Variants in ARHGAP22 observed in about 807,000 individuals in gnomAD.
ARHGAP22 encodes Rho GTPase activating protein 22, also known as rho GTPase-activating protein 22.
Under a neutral mutation model 59.1 loss-of-function variants are expected in ARHGAP22, and 48 were observed. The ratio of observed to expected loss-of-function variants is 0.81; its 90% confidence interval spans 0.64 to 1.03. ARHGAP22 has a LOEUF of 1.03. ARHGAP22 is among the 50% of genes least tolerant of loss of function. The probability of loss-of-function intolerance (pLI) is 0.00; values close to 1 mark genes in which losing one functional copy is unlikely to be tolerated. For missense variants in ARHGAP22, 1,015 were observed against 958.7 expected (o/e 1.06, Z -0.78); for synonymous variants, 445 against 416.4 (o/e 1.07, Z -0.84).
chr10:48,522,695 A>G (rs1207073831), intron 3 of ARHGAP22, among the ~76,000 whole-genome samples: 1 of 152,206 alleles, frequency 6.6e-6, no homozygotes, highest in Non-Finnish European at 1.5e-5. Flanking sequence ...TGAAGACACC[A>G]CACACAGGGC....
chr10:48,452,011 C>T (rs1258363215), intron 8 of ARHGAP22, among the ~76,000 whole-genome samples: 2 of 152,052 alleles, frequency 1.3e-5, no homozygotes, highest in African/African-American at 4.8e-5. Flanking sequence ...CCAAATTCCC[C>T]CATACACAAC....
chr10:48,544,146 G>A (rs2056220334), intron 3 of ARHGAP22, among the ~76,000 whole-genome samples: 1 of 152,100 alleles, frequency 6.6e-6, no homozygotes, highest in African/African-American at 2.4e-5. Flanking sequence ...AAAGGACTGG[G>A]TGGGGTCAGG....
chr10:48,560,455 A>G (rs1214718101), intron 2 of ARHGAP22, among the ~76,000 whole-genome samples: 1 of 152,174 alleles, frequency 6.6e-6, no homozygotes, highest in African/African-American at 2.4e-5. Context: ...GTATGGATAC[A>G]GTTTTACTTC....
intron 1 of ARHGAP22, among the ~76,000 whole-genome samples, chr10:48,642,373 CT>C (rs2062086704): frequency 6.6e-6 from 1 of 152,212 alleles, no homozygotes; most frequent in African/African-American, 2.4e-5. Context: ...CAGCATGGTA[CT>C]GGTACCGAAA....
chr10:48,617,144 G>A (rs190389551), intron 1 of ARHGAP22, among the ~76,000 whole-genome samples: 8 of 152,064 alleles, frequency 5.3e-5, no homozygotes, highest in African/African-American at 1.2e-4. Context: ...AAACTAGAGT[G>A]TCCTAAATTA....
At chr10:48,622,232 C>T (rs547312832) in intron 1 of ARHGAP22, among the ~76,000 whole-genome samples, 3 of 152,140 alleles carry the variant, frequency 2.0e-5, no homozygotes, top group African/African-American at 7.2e-5. Flanking sequence ...CAACTACTGC[C>T]TTCTGTTGTG....
At chr10:48,598,215 GGAA>G (rs1272180943) in intron 1 of ARHGAP22, among the ~76,000 whole-genome samples, 3 of 152,210 alleles carry the variant, frequency 2.0e-5, no homozygotes, top group Non-Finnish European at 4.4e-5. Flanking sequence ...GAGTTATCTG[GGAA>G]GAAGGAGAAC....
At chr10:48,595,712 G>T (rs2060027443) in intron 1 of ARHGAP22, among the ~76,000 whole-genome samples, 1 of 152,004 alleles carries the variant, frequency 6.6e-6, no homozygotes, top group Non-Finnish European at 1.5e-5. Flanking sequence ...TAAAGATGGG[G>T]TCTTGCTATG....
At chr10:48,538,619 A>C (rs2055602226) in intron 3 of ARHGAP22, among the ~76,000 whole-genome samples, 1 of 152,238 alleles carries the variant, frequency 6.6e-6, no homozygotes, top group Non-Finnish European at 1.5e-5. Flanking sequence ...CTGAACTATT[A>C]GTATTTTTGT....
upstream of ARHGAP22, among the ~76,000 whole-genome samples, chr10:48,609,758 C>T (rs2060809526): frequency 1.3e-5 from 2 of 152,150 alleles, no homozygotes; most frequent in South Asian, 2.1e-4. Context: ...TCTTCCATGC[C>T]CAAGGCCACG....
chr10:48,502,396 C>T lies in ARHGAP22; in HGVS notation c.323-22632G>A, dbSNP rs540583098. On this transcript the variant is annotated intron_variant, in intron 3 of 9. Transcript: ENST00000249601. ...CAAGGGGTGGTCTCTGCAGTGCAGT[C>T]AGAACTTTCCCTTCTCCATTGAGAA... is the stretch of plus-strand genomic sequence containing the variant. Among the ~76,000 whole-genome samples, 53 of 152,326 alleles carry T rather than the reference C, an allele frequency of 3.5e-4. 1 individual carries two copies. In the South Asian group the frequency reaches 6.8e-3, roughly 20 times the overall value.
intron 2 of ARHGAP22, among the ~76,000 whole-genome samples, chr10:48,578,141 A>T (rs2058871811): frequency 6.6e-6 from 1 of 151,798 alleles, no homozygotes; most frequent in Non-Finnish European, 1.5e-5. Flanking sequence ...ACCTTCACCC[A>T]GTGCTCCTGT....
At chr10:48,453,700 G>A (rs925031379) in intron 7 of ARHGAP22, among the ~76,000 whole-genome samples, 2 of 152,206 alleles carry the variant, frequency 1.3e-5, no homozygotes, top group Non-Finnish European at 2.9e-5. Flanking sequence ...CACAAATTCT[G>A]GGAAGTCCCA....
chr10:48,496,152 G>T (rs1231546347), intron 3 of ARHGAP22, among the ~76,000 whole-genome samples: 1 of 152,072 alleles, frequency 6.6e-6, no homozygotes, highest in Non-Finnish European at 1.5e-5. Flanking sequence ...AGGCTTGGGG[G>T]GTAATCTATG....
In ARHGAP22 at chr10:48,615,170, C is replaced by T. The variant is rs1173492067; in HGVS notation, c.53-32018G>A. Among the ~76,000 whole-genome samples the T allele has an allele frequency of 2.0e-5, 3 of 152,200 alleles. No homozygotes were observed. The South Asian group carries it at 6.2e-4, about 32-fold the overall frequency. The stretch of plus-strand genomic sequence containing the variant: ...ACCCAAAAAGACCTGAAACTCTAAC[C>T]TAAGGCCAACCTCTAGACTCTGCTC... On this transcript the variant is annotated intron_variant, in intron 1 of 9. Coordinates refer to the ARHGAP22 transcript ENST00000435790.
chr10:48,601,099 A>T (rs1388310236), intron 1 of ARHGAP22, among the ~76,000 whole-genome samples: 1 of 151,958 alleles, frequency 6.6e-6, no homozygotes, highest in Non-Finnish European at 1.5e-5. Flanking sequence ...TAGCTGCTTC[A>T]CTCTCAGAGC....
rs564403058 is a variant in ARHGAP22, at chr10:48,541,319, T to A, written c.322+14144A>T. 3.9e-5 allele frequency among the ~76,000 whole-genome samples: 6 copies of A among 152,340 alleles called. No individual in the cohort carries two copies. In the East Asian group the frequency reaches 1.2e-3, roughly 29 times the overall value. Reference sequence around the variant, plus strand: ...AGGGATTTAGTCTAGCTGAGATCACTCATAAAGAATTTTATCTACATCTTT... The same window carrying A: ...AGGGATTTAGTCTAGCTGAGATCACACATAAAGAATTTTATCTACATCTTT... On this transcript the variant is annotated intron_variant, in intron 3 of 9. Transcript: ENST00000249601.
At chr10:48,439,322 TTAAA>T in the ARHGAP22 span, 2 of 150,060 alleles carry the variant, frequency 1.3e-5, no homozygotes, top group Non-Finnish European at 3.0e-5. Flanking sequence ...TTATAATATT[TTAAA>T]TAAAAAAGAA....
At chr10:48,578,799 A>G (rs1265381729) in intron 2 of ARHGAP22, among the ~76,000 whole-genome samples, 5 of 151,978 alleles carry the variant, frequency 3.3e-5, no homozygotes, top group Non-Finnish European at 7.4e-5. Context: ...TAGGTTATCT[A>G]TATTAGGAAT....
Sources: allele counts gnomAD v4.1 joint callset (sites outside exome capture counted in the v4.1 genomes callset), GRCh38; gene constraint gnomAD v4.1.1; transcripts MANE v1.5; gene names NCBI Gene and HGNC (gene_info 2026-07-23, HGNC 2026-07-21).